The following LAMC2 variants were observed in gnomAD, a reference collection of about 807,000 sequenced individuals.
The protein encoded by LAMC2 is laminin subunit gamma-2.
In LAMC2, 97 loss-of-function variants were observed where a neutral mutation model predicts 140.2. The observed-to-expected ratio is 0.69, with a 90% confidence interval of 0.59 to 0.82. The LOEUF (loss-of-function observed/expected upper bound fraction) is 0.82, where lower values mean the gene tolerates loss of function less well. Among genes scored for constraint, LAMC2 ranks in the 40% least tolerant of loss-of-function variants. The pLI is 0.00. For missense variants in LAMC2, 1,402 were observed against 1,476.1 expected (o/e 0.95, Z 0.82); for synonymous variants, 513 against 540.2 (o/e 0.95, Z 0.70).
rs779431680 is a variant in LAMC2 at position 183,221,036 on chromosome 1, G to C, written c.640+75G>C. ...TTTGTGTTTAGAGACAACCACCTCC[G>C]CATTCACAGGATGGATTCTCTTTAG... is the stretch of plus-strand genomic sequence containing the variant. On this transcript the variant is annotated intron_variant, in intron 5 of 22. Coordinates refer to ENST00000264144, the MANE Select transcript of LAMC2 (RefSeq NM_005562.3). The C allele has an allele frequency of 4.5e-6, 6 of 1,322,732 alleles. No homozygotes were observed. In the Admixed American group the frequency reaches 6.8e-5, roughly 15 times the overall value. The allele number at this position is 1,322,732 out of a possible 1,614,324, so 81.9% of individuals were successfully genotyped here.
rs1356003109 is a variant in LAMC2 at position 183,243,191 on chromosome 1, C to T, written c.3373C>T (p.Gln1125Ter). 1 of 1,600,284 alleles carries T rather than the reference C, an allele frequency of 6.2e-7. No individual in the cohort carries two copies. Among genetic ancestry groups the T allele is most frequent in the Non-Finnish European group, 8.5e-7 (1 of 1,174,194 alleles). ...TGAAGAGGGGCTGGTCTTACTGGAG[C>T]AGAAGCTTTCCCGAGCCAAGACCCA... ...VDEEGLVLLE[Q>*]KLSRAKTQIN... The change falls in exon 23 of 23, where the codon CAG becomes TAG. Residue 1125 changes from glutamine (Q) to a stop codon, truncating the protein, a stop_gained. Coordinates refer to ENST00000264144, the MANE Select transcript of LAMC2 (RefSeq NM_005562.3). LOFTEE classifies it high-confidence loss of function.
the LAMC2 span, among the ~76,000 whole-genome samples, chr1:183,256,456 A>T: frequency 6.6e-6 from 1 of 152,174 alleles, no homozygotes; most frequent in South Asian, 2.1e-4. Flanking sequence ...GGCCTTCGTT[A>T]TGTTGAGAAA....
intron 11 of LAMC2, 40 bp from the exon 12 acceptor site, chr1:183,230,921 C>T (rs747558281): frequency 1.9e-6 from 3 of 1,612,784 alleles, no homozygotes; most frequent in Admixed American, 3.3e-5. Context: ...ACTTTCTAGA[C>T]TAGTTTGATG....
intron 2 of LAMC2, among the ~76,000 whole-genome samples, chr1:183,209,573 TA>T (rs1479070548): frequency 6.6e-6 from 1 of 152,184 alleles, no homozygotes; most frequent in Non-Finnish European, 1.5e-5. Context: ...AAGAACTTCA[TA>T]AAAAAATTAA....
intron 1 of LAMC2, among the ~76,000 whole-genome samples, chr1:183,201,839 T>C (rs1658715915): frequency 6.6e-6 from 1 of 152,180 alleles, no homozygotes; most frequent in Non-Finnish European, 1.5e-5. Context: ...TAAAAGGAGA[T>C]GACAGAAGCC....
downstream of LAMC2, chr1:183,249,796 T>C (rs1389026976): frequency 5.9e-5 from 9 of 151,866 alleles, no homozygotes; most frequent in African/African-American, 1.9e-4. Flanking sequence ...TTCACTTTCT[T>C]TTTATATTAA....
At chr1:183,256,374 A>T in the LAMC2 span, among the ~76,000 whole-genome samples, 5,678 of 152,208 alleles carry the variant, frequency 0.037, 142 homozygotes, top group South Asian at 0.12. Flanking sequence ...GTGCCACTGC[A>T]CTCCAGCCTG....
intron 2 of LAMC2, among the ~76,000 whole-genome samples, chr1:183,214,447 C>A (rs1659186518): frequency 2.0e-5 from 3 of 152,124 alleles, no homozygotes; most frequent in Non-Finnish European, 4.4e-5. Context: ...ACTGAGGGAG[C>A]AGCAAGTGCA....
chr1:183,258,858 C>T, the LAMC2 span, among the ~76,000 whole-genome samples: 4 of 152,278 alleles, frequency 2.6e-5, no homozygotes, highest in Admixed American at 6.5e-5. Context: ...CTGACCAATC[C>T]GCACTCCTGG....
At chr1:183,206,400 T>A (rs1417970409) in intron 1 of LAMC2, among the ~76,000 whole-genome samples, 1 of 152,150 alleles carries the variant, frequency 6.6e-6, no homozygotes, top group Non-Finnish European at 1.5e-5. Flanking sequence ...TCCCAGCACT[T>A]TGGGAGGCCG....
chr1:183,226,508 G>C (rs1015862223), intron 8 of LAMC2, among the ~76,000 whole-genome samples, 190 bp from the exon 9 acceptor site: 2 of 152,134 alleles, frequency 1.3e-5, no homozygotes, highest in African/African-American at 4.8e-5. Context: ...TTTAAGCCCT[G>C]GGTTTTCTGA....
chr1:183,191,305 C>T (rs1355811538), intron 1 of LAMC2, among the ~76,000 whole-genome samples: 2 of 152,012 alleles, frequency 1.3e-5, no homozygotes, highest in Non-Finnish European at 2.9e-5. Flanking sequence ...CCCATATGGG[C>T]TTAAATTCTG....
At chr1:183,207,078 T>C (rs1225892945) in intron 1 of LAMC2, among the ~76,000 whole-genome samples, 3 of 152,166 alleles carry the variant, frequency 2.0e-5, no homozygotes, top group South Asian at 4.1e-4. Flanking sequence ...ATTCAGAAAA[T>C]TGAAGTGATG....
At chr1:183,241,013 T>A (rs996802732) in intron 22 of LAMC2, 3 of 154,626 alleles carry the variant, frequency 1.9e-5, no homozygotes, top group Non-Finnish European at 2.9e-5. Flanking sequence ...TTTGGGAGAC[T>A]GAAGCGGGTG....
intron 22 of LAMC2, among the ~76,000 whole-genome samples, chr1:183,241,711 T>C (rs1660139363): frequency 6.6e-6 from 1 of 152,054 alleles, no homozygotes; most frequent in African/African-American, 2.4e-5. Context: ...TCTGTGTTGT[T>C]ATAGTCTTGG....
chr1:183,218,314 G>T (rs1225987662), intron 3 of LAMC2, 76 bp from the exon 4 acceptor site: 1 of 1,157,164 alleles, frequency 8.6e-7, no homozygotes, highest in South Asian at 1.2e-5. Context: ...GTTTGCTCAT[G>T]AGCAGTTGAT....
intron 13 of LAMC2, 94 bp downstream of exon 13, chr1:183,232,437 T>C (rs570842074): frequency 7.1e-7 from 1 of 1,415,476 alleles, no homozygotes; most frequent in African/African-American, 1.4e-5. Context: ...TGGATATCAG[T>C]TCAGCAGTTA....
At chr1:183,254,418 TTTTGTTTG>T in the LAMC2 span, among the ~76,000 whole-genome samples, 5,546 of 151,866 alleles carry the variant, frequency 0.037, 346 homozygotes, top group African/African-American at 0.13. Context: ...TCTTCTGGTG[TTTTGTTTG>T]TTTGTTTGTT....
intron 3 of LAMC2, among the ~76,000 whole-genome samples, chr1:183,215,905 T>C (rs1659237587): frequency 6.6e-6 from 1 of 152,330 alleles, no homozygotes; most frequent in East Asian, 1.9e-4. Flanking sequence ...TGCTTCCCTC[T>C]AGATGAACTG....
Sources: allele counts gnomAD v4.1 joint callset (sites outside exome capture counted in the v4.1 genomes callset), GRCh38; gene constraint gnomAD v4.1.1; transcripts MANE v1.5; gene names NCBI Gene and HGNC (gene_info 2026-07-23, HGNC 2026-07-21).